Variants in METTL22 observed in about 807,000 individuals in gnomAD.
METTL22 encodes methyltransferase-like protein 22.
A neutral mutation model predicts 48.4 loss-of-function variants in METTL22; 51 were observed. That is an observed-to-expected ratio of 1.05 (90% CI 0.84 to 1.33). The LOEUF (loss-of-function observed/expected upper bound fraction) is 1.33, where lower values mean the gene tolerates loss of function less well. Ranked by LOEUF, METTL22 falls within the 40% of genes most tolerant of loss-of-function variation. The pLI is 0.00. For synonymous variants in METTL22, 255 were observed against 214.1 expected (o/e 1.19, Z -1.67); for missense variants, 678 against 526.9 (o/e 1.29, Z -2.81).
chr16:8,664,442 G>A, the METTL22 span, among the ~76,000 whole-genome samples: 1 of 151,786 alleles, frequency 6.6e-6, no homozygotes, highest in African/African-American at 2.4e-5. Flanking sequence ...ACCACGCCCA[G>A]CCTACATTTT....
chr16:8,644,814 A>C, intron 10 of METTL22, 89 bp downstream of exon 10: 1 of 1,344,062 alleles, frequency 7.4e-7, no homozygotes, highest in Non-Finnish European at 9.8e-7. Flanking sequence ...CAAGCCCTCC[A>C]AGCACAGGCT....
downstream of METTL22, among the ~76,000 whole-genome samples, chr16:8,651,488 TAG>T (rs201317230): frequency 0.013 from 1,979 of 150,802 alleles, 52 homozygotes; most frequent in African/African-American, 0.046. Context: ...AGTCCTAAGG[TAG>T]AGTTTTTGGC....
chr16:8,654,484 G>A (rs2056937552), downstream of METTL22, among the ~76,000 whole-genome samples: 1 of 152,164 alleles, frequency 6.6e-6, no homozygotes, highest in South Asian at 2.1e-4. Context: ...TTACAAACAT[G>A]GGTTATTTTT....
chr16:8,663,058 A>G, the METTL22 span, among the ~76,000 whole-genome samples: 6 of 150,836 alleles, frequency 4.0e-5, no homozygotes, highest in Non-Finnish European at 5.9e-5. Context: ...AAATACAAAA[A>G]TTAGCCGGGC....
intron 5 of METTL22, among the ~76,000 whole-genome samples, chr16:8,637,378 C>T (rs1388046473): frequency 1.3e-5 from 2 of 152,090 alleles, no homozygotes; most frequent in African/African-American, 4.8e-5. Flanking sequence ...AGCTTTGCTT[C>T]GTCCCTGGTG....
chr16:8,661,963 G>A, the METTL22 span, among the ~76,000 whole-genome samples: 1 of 145,222 alleles, frequency 6.9e-6, no homozygotes, highest in African/African-American at 2.6e-5. Context: ...GCAAGAATGG[G>A]CTTGGCATGG....
intron 3 of METTL22, among the ~76,000 whole-genome samples, chr16:8,629,469 C>T (rs2056181747): frequency 6.6e-6 from 1 of 152,188 alleles, no homozygotes; most frequent in African/African-American, 2.4e-5. Flanking sequence ...TGCTCTAACT[C>T]AGCGTGTTGG....
the METTL22 span, among the ~76,000 whole-genome samples, chr16:8,660,379 ATGTT>A: frequency 6.6e-6 from 1 of 151,884 alleles, no homozygotes; most frequent in African/African-American, 2.4e-5. Context: ...GGGTTTCACC[ATGTT>A]GGCCAGGCTG....
chr16:8,642,364 G>A (rs775582498), intron 8 of METTL22, 99 bp from the exon 9 acceptor site: 178 of 1,300,462 alleles, frequency 1.4e-4, no homozygotes, highest in East Asian at 2.1e-4. Context: ...CTGCTGTTCC[G>A]TGGTGATAAG....
In METTL22 at chr16:8,628,755, A is replaced by G. The variant is rs756538751; in HGVS notation, c.159A>G (p.Leu53=). The G allele has an allele frequency of 1.6e-5, 26 of 1,612,446 alleles. No homozygotes were observed. The highest frequency in any genetic ancestry group is 4.5e-5 in the East Asian group (2 of 44,864). ...QPVFLSQFKL[L]WSQDSWTDSG... ...TTTTCCTGTCCCAATTCAAGCTTCT[A>G]TGGAGCCAAGACTCTTGGACAGATT... Residue 53 remains leucine (L), a synonymous_variant, in exon 3 of 11, where the codon CTA becomes CTG. Coordinates refer to ENST00000381920, the MANE Select transcript of METTL22 (RefSeq NM_024109.4).
chr16:8,663,586 TC>T, the METTL22 span, among the ~76,000 whole-genome samples: 21 of 151,390 alleles, frequency 1.4e-4, no homozygotes, highest in African/African-American at 4.4e-4. Context: ...CTGGGGGAGG[TC>T]CTCCCACTCC....
Position 8,642,754 on chromosome 16 carries a change from T to G in METTL22, c.1010+189T>G, listed in dbSNP as rs1473134027. The G allele has an allele frequency of 7.9e-6, 5 of 633,854 alleles. No homozygotes were observed. In the African/African-American group the frequency reaches 9.1e-5, roughly 11 times the overall value. 39.3% of individuals were successfully genotyped at this position (633,854 alleles called of 1,614,324 possible). ...ACTGAATCTGCATCCTAGCCCTGTG[T>G]GCAGGCGCTGCTGTCCCACTTGACT... On this transcript the variant is annotated intron_variant, in intron 9 of 10. Transcript: ENST00000381920.
intron 3 of METTL22, among the ~76,000 whole-genome samples, chr16:8,632,440 A>G (rs1234767064): frequency 6.6e-6 from 1 of 152,192 alleles, no homozygotes; most frequent in Admixed American, 6.5e-5. Flanking sequence ...TCCTGGCTTC[A>G]GGCGATCCTC....
intron 5 of METTL22, among the ~76,000 whole-genome samples, chr16:8,635,877 A>G (rs1258847125): frequency 6.6e-6 from 1 of 152,246 alleles, no homozygotes; most frequent in African/African-American, 2.4e-5. Flanking sequence ...CGTTGTAAGA[A>G]TCTCCTCCAA....
At chr16:8,657,365 C>T in the METTL22 span, among the ~76,000 whole-genome samples, 5 of 152,104 alleles carry the variant, frequency 3.3e-5, no homozygotes, top group African/African-American at 9.7e-5. Context: ...TAGTTAAATA[C>T]AATATTAAGT....
rs192260589 is a variant in METTL22, at chr16:8,645,323, C to T, written c.1179+598C>T. ...GCTGCCGCCCTTGCACTCTGTCTCG[C>T]GTCCTGAGGGAGGGCAGCATGGAAT... On this transcript the variant is annotated intron_variant, in intron 10 of 10. Transcript: ENST00000381920. Among the ~76,000 whole-genome samples the T allele has an allele frequency of 4.3e-4, 66 of 152,274 alleles. No homozygotes were observed. In the East Asian group the frequency reaches 0.012, roughly 27 times the overall value.
Position 8,646,525 on chromosome 16 carries a change from A to G in METTL22, c.*382A>G, listed in dbSNP as rs1267235512. The G allele has an allele frequency of 2.0e-6, 1 of 501,372 alleles. No individual in the cohort carries two copies. Among genetic ancestry groups the G allele is most frequent in the African/African-American group, 1.9e-5 (1 of 52,014 alleles). 31.1% of individuals were successfully genotyped at this position (501,372 alleles called of 1,614,324 possible). A position where few individuals can be genotyped will look rare whatever the true frequency, so the allele number is the denominator to read the frequency against. ...ACTGCCCTCTGTCAGCTGTTTACAGATGGGTTGACTACCACTGCCAGTATT... is the reference window on the plus strand; with the variant it reads ...ACTGCCCTCTGTCAGCTGTTTACAGGTGGGTTGACTACCACTGCCAGTATT... On this transcript the variant is annotated 3_prime_UTR_variant, in exon 11 of 11. Coordinates refer to ENST00000381920, the MANE Select transcript of METTL22 (RefSeq NM_024109.4).
downstream of METTL22, among the ~76,000 whole-genome samples, chr16:8,650,606 C>G (rs2056880390): frequency 6.6e-6 from 1 of 152,146 alleles, no homozygotes; most frequent in African/African-American, 2.4e-5. Flanking sequence ...TGAAATGTTC[C>G]CAACACATAA....
At chr16:8,623,240 G>A (rs1381690479) in intron 1 of METTL22, among the ~76,000 whole-genome samples, 4 of 151,898 alleles carry the variant, frequency 2.6e-5, no homozygotes, top group Non-Finnish European at 4.4e-5. Context: ...GAGCCCAGGA[G>A]GCGGAGGTTG....
Sources: gnomAD v4.1 joint callset for allele counts (sites outside exome capture counted in the v4.1 genomes callset) on GRCh38, gnomAD v4.1.1 for gene constraint, MANE v1.5 for transcripts, NCBI Gene and HGNC (gene_info 2026-07-23, HGNC 2026-07-21) for gene names.